The following NXPH1 variants were observed in gnomAD, a reference collection of about 807,000 sequenced individuals.
NXPH1 encodes the protein neurexophilin-1.
Under a neutral mutation model 23.7 loss-of-function variants are expected in NXPH1, and 5 were observed. That is an observed-to-expected ratio of 0.21 (90% confidence interval 0.11 to 0.44). NXPH1 has a LOEUF of 0.44. NXPH1 is among the 20% of genes least tolerant of loss of function. NXPH1 has a pLI of 0.99. For synonymous variants in NXPH1, 144 were observed against 122.2 expected (o/e 1.18, Z -1.18); for missense variants, 324 against 321.6 (o/e 1.01, Z -0.06).
chr7:8,656,962 T>G (rs1430112343), intron 2 of NXPH1, among the ~76,000 whole-genome samples: 1 of 152,222 alleles, frequency 6.6e-6, no homozygotes, highest in Non-Finnish European at 1.5e-5. Context: ...AATGGATTTT[T>G]TATTTTGGTC....
At chr7:8,733,737 T>G (rs1780198217) in intron 2 of NXPH1, among the ~76,000 whole-genome samples, 1 of 152,226 alleles carries the variant, frequency 6.6e-6, no homozygotes, top group Admixed American at 6.5e-5. Context: ...TATTTTTTTC[T>G]TGTAAATTTG....
At chr7:8,601,921 A>T (rs934437863) in intron 2 of NXPH1, among the ~76,000 whole-genome samples, 1 of 152,244 alleles carries the variant, frequency 6.6e-6, no homozygotes, top group Non-Finnish European at 1.5e-5. Flanking sequence ...CAGACCGAAG[A>T]CCAATGGCCA....
intron 2 of NXPH1, among the ~76,000 whole-genome samples, chr7:8,692,639 T>C (rs550013798): frequency 6.6e-6 from 1 of 152,302 alleles, no homozygotes; most frequent in Admixed American, 6.5e-5. Flanking sequence ...TCATAAAATA[T>C]TATGGGAAAA....
At chr7:8,720,915 G>T (rs1446976612) in intron 2 of NXPH1, among the ~76,000 whole-genome samples, 1 of 152,170 alleles carries the variant, frequency 6.6e-6, no homozygotes, top group Non-Finnish European at 1.5e-5. Context: ...AGCCTATGCT[G>T]TTCAAAAATG....
At chr7:8,732,113 A>G (rs911313093) in intron 2 of NXPH1, among the ~76,000 whole-genome samples, 9 of 152,204 alleles carry the variant, frequency 5.9e-5, no homozygotes, top group Non-Finnish European at 1.3e-4. Flanking sequence ...TCCAGGTGCC[A>G]TCTGTCACCC....
intron 2 of NXPH1, among the ~76,000 whole-genome samples, chr7:8,584,488 GA>G (rs1270526774): frequency 2.6e-5 from 4 of 152,120 alleles, no homozygotes; most frequent in Admixed American, 6.5e-5. Context: ...GATAAAAGAT[GA>G]ATAAGATTTC....
intron 2 of NXPH1, among the ~76,000 whole-genome samples, chr7:8,439,051 G>A (rs973833672): frequency 3.9e-5 from 6 of 152,266 alleles, no homozygotes; most frequent in African/African-American, 9.6e-5. Context: ...ACTATTGAAT[G>A]TTATGTATTG....
At chr7:8,667,737 A>G (rs1335402794) in intron 2 of NXPH1, among the ~76,000 whole-genome samples, 2 of 152,168 alleles carry the variant, frequency 1.3e-5, no homozygotes, top group East Asian at 1.9e-4. Context: ...CTAGATTTGA[A>G]AAGTTTTCTG....
At chr7:8,570,152 A>T (rs1818617864) in intron 2 of NXPH1, among the ~76,000 whole-genome samples, 1 of 151,896 alleles carries the variant, frequency 6.6e-6, no homozygotes, top group African/African-American at 2.4e-5. Context: ...TCTCCCCATG[A>T]ATGGTTCTTA....
chr7:8,582,748 C>A (rs190940630), intron 2 of NXPH1, among the ~76,000 whole-genome samples: 9 of 152,288 alleles, frequency 5.9e-5, no homozygotes, highest in African/African-American at 1.9e-4. Flanking sequence ...TGAGTAAATT[C>A]TCACTCTGGG....
chr7:8,518,191 G>C (rs1219319599), intron 2 of NXPH1, among the ~76,000 whole-genome samples: 3 of 152,044 alleles, frequency 2.0e-5, no homozygotes, highest in Non-Finnish European at 4.4e-5. Context: ...TGAAATTCAA[G>C]GAAAAACCCA....
chr7:8,478,612 C>T (rs1348642235), intron 2 of NXPH1, among the ~76,000 whole-genome samples: 1 of 151,838 alleles, frequency 6.6e-6, no homozygotes, highest in East Asian at 1.9e-4. Flanking sequence ...AGAAAACTTT[C>T]CAGAAATAAA....
intron 2 of NXPH1, among the ~76,000 whole-genome samples, chr7:8,517,614 T>C (rs1817706664): frequency 6.6e-6 from 1 of 152,114 alleles, no homozygotes; most frequent in Non-Finnish European, 1.5e-5. Flanking sequence ...TATTTCTCTT[T>C]AAAGAGAACA....
intron 2 of NXPH1, among the ~76,000 whole-genome samples, chr7:8,632,130 T>C (rs1820144867): frequency 2.0e-5 from 3 of 152,114 alleles, no homozygotes; most frequent in Admixed American, 2.0e-4. Flanking sequence ...AACTTGAAAA[T>C]TGCCATATAC....
chr7:8,457,988 A>C (rs956348371), intron 2 of NXPH1, among the ~76,000 whole-genome samples: 1 of 152,262 alleles, frequency 6.6e-6, no homozygotes, highest in Non-Finnish European at 1.5e-5. Context: ...AGCAATTCTT[A>C]ATAATGTCAT....
At chr7:8,552,142 A>AC (rs1186198540) in intron 2 of NXPH1, among the ~76,000 whole-genome samples, 18 of 141,830 alleles carry the variant, frequency 1.3e-4, no homozygotes, top group African/African-American at 5.0e-4. Context: ...AAAAAAAAAA[A>AC]CCACCAAAAC....
Position 8,433,653 on chromosome 7 carries a change from TC to T in NXPH1, c.-1208del, listed in dbSNP as rs571845166. 2.6e-5 allele frequency among the ~76,000 whole-genome samples: 4 copies of T among 151,762 alleles called. No homozygotes were observed. The East Asian group carries it at 5.8e-4, about 22-fold the overall frequency. ...AGCTGAATGGCTGGCAGTCTGCGGC[TC>T]CCCCGCCTCCGGCCCGGCAGCCACA... On this transcript the variant is annotated 5_prime_UTR_variant, in exon 1 of 3. An upstream open reading frame in the 5' UTR gains an earlier in-frame stop. Transcript: ENST00000405863. The surrounding 1 kb of genome is among the most constrained non-coding windows in gnomAD (Gnocchi z 6.8).
intron 2 of NXPH1, among the ~76,000 whole-genome samples, chr7:8,726,007 G>T (rs1449249324): frequency 6.6e-6 from 1 of 152,064 alleles, no homozygotes; most frequent in South Asian, 2.1e-4. Context: ...CTAACAAAAG[G>T]CTTCCAGGTG....
chr7:8,724,945 C>T (rs941825364), intron 2 of NXPH1, among the ~76,000 whole-genome samples: 2 of 152,138 alleles, frequency 1.3e-5, no homozygotes, highest in East Asian at 3.9e-4. Context: ...AAAATCTAGC[C>T]CAGGCTTGTG....
Sources: allele counts gnomAD v4.1 joint callset (sites outside exome capture counted in the v4.1 genomes callset), GRCh38; gene constraint gnomAD v4.1.1; non-coding constraint Gnocchi (gnomAD v3.1); transcripts MANE v1.5; gene names NCBI Gene and HGNC (gene_info 2026-07-23, HGNC 2026-07-21).